Variants in ZNF600 observed in about 807,000 individuals in gnomAD.
ZNF600 encodes zinc finger protein KR-ZNF1.
A neutral mutation model predicts 7.3 loss-of-function variants in ZNF600; 4 were observed. The observed-to-expected ratio is 0.55, with a 90% CI of 0.27 to 1.25. ZNF600 has a LOEUF of 1.25. Among genes scored for constraint, ZNF600 ranks in the 50% most tolerant of loss-of-function variants. ZNF600 has a pLI of 0.12. For synonymous variants in ZNF600, 290 were observed against 308.9 expected (o/e 0.94, Z 0.64); for missense variants, 911 against 922.1 (o/e 0.99, Z 0.16).
the ZNF600 span, among the ~76,000 whole-genome samples, chr19:52,817,297 A>C: frequency 2.6e-5 from 4 of 152,066 alleles, no homozygotes; most frequent in East Asian, 7.7e-4. Flanking sequence ...TCTTGAACCC[A>C]GGAGGCGGAG....
At chr19:52,817,855 AC>A in the ZNF600 span, 2 of 1,593,538 alleles carry the variant, frequency 1.3e-6, no homozygotes, top group Non-Finnish European at 1.7e-6. Context: ...CAGGCAGGAC[AC>A]TTCAGACTCA....
the ZNF600 span, chr19:52,810,389 C>T: frequency 1.8e-4 from 286 of 1,604,946 alleles, 1 homozygote; most frequent in East Asian, 6.2e-3. Context: ...GTTCAGTCAA[C>T]CACGTTACCA....
chr19:52,783,049 C>T (rs1298916570), intron 1 of ZNF600, among the ~76,000 whole-genome samples: 2 of 134,250 alleles, frequency 1.5e-5, no homozygotes, highest in Admixed American at 1.5e-4. Context: ...CTCTCCCTCA[C>T]TCCCCACCCC....
exon 4 of ZNF600, chr19:52,767,067 A>T (rs2062588988): frequency 6.2e-7 from 1 of 1,612,868 alleles, no homozygotes; most frequent in South Asian, 1.1e-5. Flanking sequence ...AAGGGATGAT[A>T]CCTGACTGAA....
upstream of ZNF600, among the ~76,000 whole-genome samples, chr19:52,790,366 G>A (rs1214645732): frequency 6.6e-6 from 1 of 152,140 alleles, no homozygotes; most frequent in Non-Finnish European, 1.5e-5. Context: ...GTGTGGTGGT[G>A]CACACCTTTA....
chr19:52,810,338 T>C, the ZNF600 span: 4 of 1,603,862 alleles, frequency 2.5e-6, no homozygotes, highest in Non-Finnish European at 2.6e-6. Context: ...TGGACTGCGG[T>C]GCAACAGCAG....
the ZNF600 span, among the ~76,000 whole-genome samples, chr19:52,803,056 C>A: frequency 3.3e-5 from 5 of 151,704 alleles, no homozygotes; most frequent in African/African-American, 7.3e-5. Context: ...CCACCGCACA[C>A]GGCCGACTTT....
At chr19:52,822,159 G>A in the ZNF600 span, among the ~76,000 whole-genome samples, 1 of 131,046 alleles carries the variant, frequency 7.6e-6, no homozygotes, top group African/African-American at 2.9e-5. Flanking sequence ...TGCAGCCTCT[G>A]CCTCCTGGGT....
chr19:52,787,468 A>G (rs1346851639), upstream of ZNF600, among the ~76,000 whole-genome samples: 6 of 132,144 alleles, frequency 4.5e-5, no homozygotes, highest in African/African-American at 1.4e-4. Context: ...GTGCAGTGGC[A>G]CGATTTTGGC....
chr19:52,803,692 C>T, the ZNF600 span, among the ~76,000 whole-genome samples: 172 of 152,266 alleles, frequency 1.1e-3, 1 homozygote, highest in African/African-American at 4.0e-3. Context: ...AACAGCCAGG[C>T]ACGGTGGCGC....
At chr19:52,793,064 T>C in the ZNF600 span, among the ~76,000 whole-genome samples, 1 of 150,822 alleles carries the variant, frequency 6.6e-6, no homozygotes, top group African/African-American at 2.4e-5. Flanking sequence ...CACTTTAACG[T>C]CAATTAATGC....
chr19:52,810,238 T>C, the ZNF600 span: 9 of 1,192,504 alleles, frequency 7.5e-6, no homozygotes, highest in East Asian at 1.9e-4. Context: ...CAGAGGAATA[T>C]GAGTCTACCT....
chr19:52,818,655 C>G, the ZNF600 span, among the ~76,000 whole-genome samples: 2 of 151,964 alleles, frequency 1.3e-5, no homozygotes, highest in East Asian at 3.9e-4. Context: ...TGCAGTGACC[C>G]AAGATCGCGC....
exon 4 of ZNF600, chr19:52,764,672 C>G (rs1302492771): frequency 6.6e-6 from 1 of 152,242 alleles, no homozygotes; most frequent in African/African-American, 2.4e-5. Flanking sequence ...CACCTGCCAC[C>G]ACGCCTGGCT....
chr19:52,766,215 G>A (rs770162868), exon 4 of ZNF600: 18 of 1,613,052 alleles, frequency 1.1e-5, no homozygotes, highest in East Asian at 4.5e-5. Flanking sequence ...GCGATGGCTT[G>A]CAAGGTATGA....
At chr19:52,771,461 A>G (rs897680727) in intron 3 of ZNF600, among the ~76,000 whole-genome samples, 4 of 150,982 alleles carry the variant, frequency 2.6e-5, no homozygotes, top group Non-Finnish European at 5.9e-5. Flanking sequence ...CTACAGATAC[A>G]TGCCACCATG....
intron 2 of ZNF600, among the ~76,000 whole-genome samples, chr19:52,776,847 C>T (rs1268224760): frequency 7.9e-5 from 12 of 152,040 alleles, no homozygotes; most frequent in Admixed American, 2.0e-4. Flanking sequence ...CACATCACGG[C>T]GTTACCCACG....
chr19:52,789,736 A>G (rs1193710407), upstream of ZNF600, among the ~76,000 whole-genome samples: 5 of 152,156 alleles, frequency 3.3e-5, no homozygotes, highest in Non-Finnish European at 7.3e-5. Context: ...TGGACAACAA[A>G]ATTAAAAAAA....
At chr19:52,792,561 C>CA in the ZNF600 span, among the ~76,000 whole-genome samples, 1 of 151,778 alleles carries the variant, frequency 6.6e-6, no homozygotes, top group Non-Finnish European at 1.5e-5. Context: ...TCAAAAAATA[C>CA]AAAAAAGAAA....
Sources: gnomAD v4.1 joint callset for allele counts (sites outside exome capture counted in the v4.1 genomes callset) on GRCh38, gnomAD v4.1.1 for gene constraint, MANE v1.5 for transcripts, NCBI Gene and HGNC (gene_info 2026-07-23, HGNC 2026-07-21) for gene names.